Variants in NADK observed in about 807,000 individuals in gnomAD.
NADK encodes poly(P)/ATP NAD kinase.
NADK carries 22 observed loss-of-function variants against 49.8 expected under a neutral mutation model. That is an observed-to-expected ratio of 0.44 (90% CI 0.32 to 0.63). The LOEUF is 0.63. Among genes scored for constraint, NADK ranks in the 30% least tolerant of loss-of-function variants. The pLI is 0.06. For missense variants in NADK, 438 were observed against 609.4 expected, an observed-to-expected ratio of 0.72 and a Z score of 2.96; for synonymous variants, 268 against 253.7, an observed-to-expected ratio of 1.06 and a Z score of -0.54.
chr1:1,752,925 C>G lies in NADK; in HGVS notation c.1320G>C (p.Glu440Asp). Residue 440 changes from glutamate to aspartate, a missense_variant, in exon 12 of 12, where the codon GAG becomes GAC. Coordinates refer to ENST00000341426, the MANE Select transcript of NADK (RefSeq NM_023018.5). ...TGACCTAGCCCTCCTCCTCCTCCTC[C>G]TCCTCCTCCTCGAAGTGGGCTTGCT... Reference protein sequence around the residue: ...RKKQAHFEEEEEEEEEG With the variant: ...RKKQAHFEEEDEEEEEG The G allele has an allele frequency of 6.2e-7, 1 of 1,602,526 alleles. No homozygotes were observed.
At chr1:1,779,332 G>C (rs989121431), upstream of NADK, 6 of 152,372 alleles carry the variant, frequency 3.9e-5, no homozygotes, top group African/African-American at 1.4e-4. Flanking sequence ...GCCCGCACTT[G>C]CTGAACTGGT....
chr1:1,773,866 C>G (rs1034802191), intron 1 of NADK, among the ~76,000 whole-genome samples: 5 of 151,956 alleles, frequency 3.3e-5, no homozygotes, highest in Non-Finnish European at 7.4e-5. Context: ...TCCCATGTAG[C>G]TGAGACTACA....
chr1:1,773,701 T>C (rs1301170878), intron 1 of NADK, among the ~76,000 whole-genome samples: 6 of 102,078 alleles, frequency 5.9e-5, no homozygotes, highest in African/African-American at 1.8e-4. Context: ...TGTGTGTGTG[T>C]GTGTGTGTGT....
At chr1:1,758,106 C>A (rs1256330084) in intron 3 of NADK, among the ~76,000 whole-genome samples, 1 of 152,230 alleles carries the variant, frequency 6.6e-6, no homozygotes, top group Non-Finnish European at 1.5e-5. Context: ...CGCAGCGGGG[C>A]TGGCCACCGT....
intron 1 of NADK, among the ~76,000 whole-genome samples, chr1:1,766,824 C>T (rs147645719): frequency 3.3e-5 from 5 of 151,752 alleles, no homozygotes; most frequent in African/African-American, 1.2e-4. Flanking sequence ...CCAGGCTGGT[C>T]TTCAATTCCT....
Position 1,759,667 on chromosome 1 carries a change from A to AG in NADK, c.263+2284dup, listed in dbSNP as rs1250313026. 9.2e-5 allele frequency: 137 copies of AG among 1,486,014 alleles called. 1 individual carries two copies. In the East Asian group the frequency reaches 3.3e-3, roughly 36 times the overall value. The allele number at this position is 1,486,014 out of a possible 1,614,324, so 92.1% of individuals were successfully genotyped here. A position where few individuals can be genotyped will look rare whatever the true frequency, so the allele number is the denominator to read the frequency against. The stretch of plus-strand genomic sequence containing the variant: ...ATGATCCCAGAGACACAGAGCCCAG[A>AG]GGGGGCGTGCTCCCATGGGGGTGCC... On this transcript the variant is annotated intron_variant, in intron 3 of 11. Transcript: ENST00000341426.
At chr1:1,755,987 G>A (rs1005839016) in intron 6 of NADK, 15 of 561,526 alleles carry the variant, frequency 2.7e-5, no homozygotes, top group African/African-American at 1.1e-4. Flanking sequence ...GCCAGTAGGC[G>A]AGGTCGTTTC....
rs1557833433 is a variant in NADK, at chr1:1,754,544, C to G, written c.843G>C (p.Gln281His). Residue 281 changes from glutamine (Q) to histidine (H), a missense_variant and splice_region_variant, in exon 8 of 12, where the codon CAG becomes CAC. Gln to His is a conservative substitution (Grantham distance 24, BLOSUM62 0). Transcript: ENST00000341426. This position sits in a 1 kb window ranked among gnomAD's most constrained non-coding sequence, Gnocchi z 4.3. ...CCGAGGCCGAGGCGCCTCCACTCAC[C>G]TGGTACTGCATGGCCTGCTTCCCGA... ...MDVGKQAMQY[Q>H]VLNEVVIDRG... 6.2e-7 allele frequency: 1 copy of G among 1,610,988 alleles called. No individual in the cohort carries two copies. The highest frequency in any genetic ancestry group is 1.3e-5 in the African/African-American group (1 of 74,990).
intron 1 of NADK, among the ~76,000 whole-genome samples, chr1:1,771,919 C>T (rs1366602197): frequency 1.3e-5 from 2 of 151,692 alleles, no homozygotes; most frequent in South Asian, 2.1e-4. Flanking sequence ...GCAATCCTCC[C>T]ACTTCAGCCT....
chr1:1,772,799 G>A (rs534557550), intron 1 of NADK, among the ~76,000 whole-genome samples: 3 of 152,140 alleles, frequency 2.0e-5, no homozygotes, highest in Admixed American at 6.5e-5. Flanking sequence ...CAGCACTTTC[G>A]GAGGCCAAGG....
chr1:1,760,361 G>A (rs941287418), intron 3 of NADK, among the ~76,000 whole-genome samples: 3 of 152,162 alleles, frequency 2.0e-5, no homozygotes, highest in African/African-American at 2.4e-5. Context: ...GCCAACCCCC[G>A]TCCTGCCTGG....
chr1:1,765,242 G>C lies in NADK; in HGVS notation c.165C>G (p.Ser55Arg), dbSNP rs1297863002. 5 of 1,605,420 alleles carry C rather than the reference G, an allele frequency of 3.1e-6. No individual in the cohort carries two copies. Among genetic ancestry groups the C allele is most frequent in the Non-Finnish European group, 4.3e-6 (5 of 1,176,150 alleles). Reference sequence around the variant, plus strand: ...CCCAGTTGTACCTGAACTCCTTGGTGCTCCCCAGGGCGGGCGAGGCAGACA... The same window carrying C: ...CCCAGTTGTACCTGAACTCCTTGGTCCTCCCCAGGGCGGGCGAGGCAGACA... ...RSLSASPALG[S>R]TKEFRRTRSL... Residue 55 changes from serine (S) to arginine (R), a missense_variant, in exon 2 of 12, where the codon AGC becomes AGG. By Grantham distance (110) the Ser-to-Arg change is moderately radical. Transcript: ENST00000341426.
chr1:1,753,946 C>CT, intron 10 of NADK, 105 bp downstream of exon 10: 1 of 1,417,596 alleles, frequency 7.1e-7, no homozygotes, highest in Non-Finnish European at 9.5e-7. Context: ...GAGGCCGCGT[C>CT]TGAGGCTGGA....
At chr1:1,770,997 G>A (rs12040325) in intron 1 of NADK, among the ~76,000 whole-genome samples, 58,953 of 148,146 alleles carry the variant, frequency 0.4, 14,132 homozygotes, top group Admixed American at 0.55. Context: ...GCAGTAAGCC[G>A]AGATTGCACT....
chr1:1,774,495 T>A (rs1041491398), intron 1 of NADK, among the ~76,000 whole-genome samples: 1 of 152,064 alleles, frequency 6.6e-6, no homozygotes, highest in Non-Finnish European at 1.5e-5. Context: ...CCTCAGATGA[T>A]CCGCCCGCCT....
chr1:1,759,139 C>T lies in NADK; in HGVS notation c.264-1829G>A, dbSNP rs1051899810. ...CTACACCCATTCCAGCCCTGAGGCT[C>T]AGCTGAGCCCAGCCAGAGCCACCAG... On this transcript the variant is annotated intron_variant, in intron 3 of 11. Coordinates refer to ENST00000341426, the MANE Select transcript of NADK (RefSeq NM_023018.5). 6 of 1,554,802 alleles carry T rather than the reference C, an allele frequency of 3.9e-6. No homozygotes were observed. The African/African-American group carries it at 8.2e-5, about 21-fold the overall frequency.
chr1:1,756,093 C>T (rs1645510473), intron 6 of NADK, 165 bp downstream of exon 6: 7 of 671,264 alleles, frequency 1.0e-5, no homozygotes, highest in Admixed American at 4.8e-5. Context: ...CTGGCCCCAC[C>T]GTCGCACCCC....
At chr1:1,763,952 C>T (rs552516674) in intron 2 of NADK, among the ~76,000 whole-genome samples, 58 of 152,314 alleles carry the variant, frequency 3.8e-4, no homozygotes, top group Admixed American at 7.8e-4. Flanking sequence ...GCAGTCACTG[C>T]GCTGGGGTGG....
At chr1:1,759,537 A>G (rs914290915) in intron 3 of NADK, among the ~76,000 whole-genome samples, 1 of 152,184 alleles carries the variant, frequency 6.6e-6, no homozygotes, top group Non-Finnish European at 1.5e-5. Context: ...TGCCCTCCTC[A>G]CCAGGCGCCC....
Sources: gnomAD v4.1 joint callset for allele counts (sites outside exome capture counted in the v4.1 genomes callset) on GRCh38, gnomAD v4.1.1 for gene constraint, Gnocchi (gnomAD v3.1) non-coding constraint, MANE v1.5 for transcripts, NCBI Gene and HGNC (gene_info 2026-07-23, HGNC 2026-07-21) for gene names.